Variants in XRCC5 observed in about 807,000 individuals in gnomAD.
XRCC5 encodes DNA repair protein Ku80.
In XRCC5, 12 loss-of-function variants were observed where a neutral mutation model predicts 95.7. The observed-to-expected ratio is 0.13, with a 90% CI of 0.08 to 0.20. The LOEUF is 0.20. Ranked by LOEUF, XRCC5 falls within the 10% of genes least tolerant of loss-of-function variation. The pLI is 1.00. For synonymous variants in XRCC5, 281 were observed against 290.3 expected, an observed-to-expected ratio of 0.97 and a Z score of 0.33; for missense variants, 595 against 873.9, an observed-to-expected ratio of 0.68 and a Z score of 4.02.
chr2:216,203,428 C>T (rs1237378112), intron 19 of XRCC5, among the ~76,000 whole-genome samples: 1 of 152,154 alleles, frequency 6.6e-6, no homozygotes, highest in Admixed American at 6.5e-5. Flanking sequence ...TTGCTAGAAC[C>T]CAGCTCTTAG....
intron 16 of XRCC5, among the ~76,000 whole-genome samples, chr2:216,176,399 G>A (rs6729446): frequency 0.12 from 18,835 of 152,190 alleles, 1,350 homozygotes; most frequent in South Asian, 0.27. Flanking sequence ...GATTACAGGC[G>A]TGAGCCACTG....
intron 5 of XRCC5, 146 bp downstream of exon 5, chr2:216,119,311 A>T: frequency 1.2e-6 from 1 of 828,094 alleles, no homozygotes; most frequent in Non-Finnish European, 1.9e-6. Flanking sequence ...TACTCAGCAA[A>T]CATTTGCTGG....
chr2:216,121,456 G>T (rs1352138250), intron 5 of XRCC5, among the ~76,000 whole-genome samples: 1 of 152,190 alleles, frequency 6.6e-6, no homozygotes, highest in Non-Finnish European at 1.5e-5. Flanking sequence ...TCAAGATGGT[G>T]CCTTATTGCT....
At chr2:216,194,825 T>G in intron 18 of XRCC5, 94 bp from the exon 19 acceptor site, 4 of 1,172,496 alleles carry the variant, frequency 3.4e-6, no homozygotes, top group Non-Finnish European at 5.1e-6. Context: ...AAAGAAATCT[T>G]CAGCTCAAAG....
At chr2:216,177,908 TATGGG>T (rs1689308250) in intron 16 of XRCC5, among the ~76,000 whole-genome samples, 1 of 152,200 alleles carries the variant, frequency 6.6e-6, no homozygotes, top group South Asian at 2.1e-4. Context: ...ATTTTAAATG[TATGGG>T]ATTGTAAGGA....
At chr2:216,112,990 A>G (rs889241859) in intron 1 of XRCC5, 26 bp from the exon 2 acceptor site, 3 of 1,578,850 alleles carry the variant, frequency 1.9e-6, no homozygotes. Flanking sequence ...TATTTTCTCA[A>G]ACACTCTTTG....
intron 12 of XRCC5, among the ~76,000 whole-genome samples, chr2:216,139,104 G>C (rs1485190898): frequency 6.6e-6 from 1 of 152,048 alleles, no homozygotes; most frequent in Non-Finnish European, 1.5e-5. Flanking sequence ...GTATTACTCT[G>C]TCTCTATTTC....
intron 19 of XRCC5, among the ~76,000 whole-genome samples, chr2:216,197,580 T>G (rs1391153071): frequency 6.6e-6 from 1 of 152,216 alleles, no homozygotes; most frequent in Admixed American, 6.5e-5. Context: ...TGGCATCTTC[T>G]TCCTTTTAGA....
chr2:216,178,822 C>G (rs74486308), intron 16 of XRCC5, among the ~76,000 whole-genome samples: 3 of 152,238 alleles, frequency 2.0e-5, no homozygotes, highest in African/African-American at 7.2e-5. Context: ...GCTAAATACA[C>G]AGCTTATGGG....
intron 16 of XRCC5, among the ~76,000 whole-genome samples, chr2:216,188,852 G>A (rs1025270755): frequency 1.3e-4 from 20 of 152,162 alleles, no homozygotes; most frequent in African/African-American, 4.1e-4. Flanking sequence ...TGCGGGATAC[G>A]TTGGTAAAGA....
intron 16 of XRCC5, among the ~76,000 whole-genome samples, chr2:216,185,288 T>C (rs1689474542): frequency 6.6e-6 from 1 of 152,184 alleles, no homozygotes; most frequent in Non-Finnish European, 1.5e-5. Flanking sequence ...ATATTCCTTG[T>C]GTTGGTCCCT....
intron 20 of XRCC5, 92 bp from the exon 21 acceptor site, chr2:216,205,096 T>A: frequency 6.7e-7 from 1 of 1,485,870 alleles, no homozygotes; most frequent in Non-Finnish European, 9.4e-7. Context: ...CCTTCCAATG[T>A]AGAGTCATTT....
intron 16 of XRCC5, among the ~76,000 whole-genome samples, chr2:216,181,694 T>C (rs1689391281): frequency 6.6e-6 from 1 of 152,244 alleles, no homozygotes. Flanking sequence ...TGAGACAAAA[T>C]GACCTCCATC....
intron 5 of XRCC5, among the ~76,000 whole-genome samples, chr2:216,120,068 T>A (rs547608611): frequency 1.5e-4 from 23 of 152,000 alleles, no homozygotes; most frequent in Middle Eastern, 3.4e-3. Context: ...CATGTGTGAG[T>A]AGTCTTCTCT....
intron 3 of XRCC5, 88 bp from the exon 4 acceptor site, chr2:216,117,658 A>G (rs1696724211): frequency 1.0e-5 from 14 of 1,405,894 alleles, no homozygotes; most frequent in African/African-American, 1.4e-5. Context: ...AGTGTCCACA[A>G]TTTCCAGCAC....
intron 16 of XRCC5, among the ~76,000 whole-genome samples, chr2:216,187,013 C>A (rs956806901): frequency 2.2e-4 from 34 of 152,304 alleles, no homozygotes; most frequent in African/African-American, 7.9e-4. Context: ...AAGCGTCATC[C>A]ATCACAGCTA....
intron 8 of XRCC5, among the ~76,000 whole-genome samples, chr2:216,128,962 A>G (rs1186857394): frequency 6.6e-6 from 1 of 152,200 alleles, no homozygotes; most frequent in Non-Finnish European, 1.5e-5. Flanking sequence ...TCTATTCTGA[A>G]TTTGGACTGA....
At chr2:216,125,874 A>G (rs371810423) in intron 6 of XRCC5, 43 bp from the exon 7 acceptor site, 93 of 1,489,786 alleles carry the variant, frequency 6.2e-5, no homozygotes, top group Non-Finnish European at 6.8e-5. Context: ...ACAAGTTAAC[A>G]TTTAAAAATT....
chr2:216,116,592 G>A, intron 2 of XRCC5, 67 bp from the exon 3 acceptor site: 3 of 1,589,626 alleles, frequency 1.9e-6, no homozygotes, highest in Middle Eastern at 1.8e-4. Context: ...GCTCCCTGAA[G>A]GTTAGGTATT....
Sources: allele counts gnomAD v4.1 joint callset (sites outside exome capture counted in the v4.1 genomes callset), GRCh38; gene constraint gnomAD v4.1.1; transcripts MANE v1.5; gene names NCBI Gene and HGNC (gene_info 2026-07-23, HGNC 2026-07-21).